The following ATP9B variants were observed in gnomAD, a reference collection of about 807,000 sequenced individuals.
ATP9B encodes ATPase phospholipid transporting 9B, also known as probable phospholipid-transporting ATPase IIB.
A neutral mutation model predicts 146.1 loss-of-function variants in ATP9B; 110 were observed. The observed-to-expected ratio is 0.75, with a 90% CI of 0.65 to 0.88. ATP9B has a LOEUF of 0.88. Among genes scored for constraint, ATP9B ranks in the 40% least tolerant of loss-of-function variants. The pLI is 0.00. For synonymous variants in ATP9B, 604 were observed against 569.7 expected, an observed-to-expected ratio of 1.06 and a Z score of -0.86; for missense variants, 1,499 against 1,496.4, an observed-to-expected ratio of 1.00 and a Z score of -0.03.
rs541429292 is a variant in ATP9B, at chr18:79,281,999, C to T, written c.1411+4803C>T. On this transcript the variant is annotated intron_variant, in intron 13 of 29. Transcript: ENST00000426216. ...ATACAGGTTTGGAAGAAGTTGATTC[C>T]GACCCTCAGGGATGACTGTTAGAAG... 5.2e-4 allele frequency among the ~76,000 whole-genome samples: 79 copies of T among 152,262 alleles called. 1 individual carries two copies. The highest frequency in any genetic ancestry group is 4.1e-3 in the Admixed American group (63 of 15,294).
At chr18:79,331,014 A>T (rs1383123835) in intron 17 of ATP9B, among the ~76,000 whole-genome samples, 1 of 152,262 alleles carries the variant, frequency 6.6e-6, no homozygotes, top group Non-Finnish European at 1.5e-5. Flanking sequence ...CCCATATTTC[A>T]TTAAATTCTC....
chr18:79,124,410 C>T (rs1210127569), intron 4 of ATP9B, among the ~76,000 whole-genome samples: 1 of 152,270 alleles, frequency 6.6e-6, no homozygotes, highest in Admixed American at 6.5e-5. Flanking sequence ...TGAGGTCTTA[C>T]TCTGCTCATC....
intron 4 of ATP9B, among the ~76,000 whole-genome samples, chr18:79,118,107 G>A (rs946870447): frequency 6.6e-6 from 1 of 151,814 alleles, no homozygotes; most frequent in African/African-American, 2.4e-5. Context: ...CCTTCCTTTG[G>A]GAAAGGAGAC....
chr18:79,365,029 C>A (rs1490411139), intron 26 of ATP9B, among the ~76,000 whole-genome samples: 14 of 145,090 alleles, frequency 9.6e-5, no homozygotes, highest in South Asian at 2.2e-4. Flanking sequence ...GACCTTGTCT[C>A]AAAAAAAAAA....
At chr18:79,081,866 A>T (rs2073299736) in intron 1 of ATP9B, among the ~76,000 whole-genome samples, 1 of 151,876 alleles carries the variant, frequency 6.6e-6, no homozygotes, top group Admixed American at 6.6e-5. Context: ...AACCTTAGTG[A>T]ATCTGACGAT....
rs1024506688 is a variant in ATP9B, at chr18:79,262,478, GA to G, written c.1268+8942del. Among the ~76,000 whole-genome samples the G allele has an allele frequency of 6.6e-5, 10 of 152,092 alleles. No individual in the cohort carries two copies. In the South Asian group the frequency reaches 1.2e-3, roughly 19 times the overall value. On this transcript the variant is annotated intron_variant, in intron 12 of 29. Transcript: ENST00000426216. ...TGGGGAACAGAGAAGTCATTTGATA[GA>G]AAAAGGGCATAGTTTAGAAGTAATT... is the stretch of plus-strand genomic sequence containing the variant.
At chr18:79,252,219 G>A (rs990483204) in intron 11 of ATP9B, among the ~76,000 whole-genome samples, 1 of 152,232 alleles carries the variant, frequency 6.6e-6, no homozygotes, top group African/African-American at 2.4e-5. Flanking sequence ...ACTGTGCCAT[G>A]CGCTCCCTCT....
intron 14 of ATP9B, among the ~76,000 whole-genome samples, chr18:79,306,428 C>T (rs958510297): frequency 1.3e-4 from 20 of 152,134 alleles, no homozygotes; most frequent in African/African-American, 1.9e-4. Flanking sequence ...AGATATGACA[C>T]GGGGCCATTT....
intron 25 of ATP9B, among the ~76,000 whole-genome samples, chr18:79,349,411 C>T (rs1269832827): frequency 6.6e-6 from 1 of 152,220 alleles, no homozygotes; most frequent in African/African-American, 2.4e-5. Flanking sequence ...CTCAGGAACT[C>T]ACCCGTGGGA....
chr18:79,303,702 G>A lies in ATP9B; in HGVS notation c.1510G>A (p.Asp504Asn), dbSNP rs36034863. 4.5e-3 allele frequency: 7,262 copies of A among 1,613,764 alleles called. 275 individuals carry two copies. The African/African-American group carries it at 0.084, about 19-fold the overall frequency. The change falls in exon 14 of 30, where the codon GAC (aspartate) becomes AAC (asparagine). Residue 504 changes from aspartate to asparagine, a missense_variant. Coordinates refer to ENST00000426216, the MANE Select transcript of ATP9B (RefSeq NM_198531.5). Reference protein sequence around the residue: ...TMDEIQSHVRDSYSQMQSQAG... With the variant: ...TMDEIQSHVRNSYSQMQSQAG... ...GGATGAGATCCAGAGCCATGTCAGG[G>A]ACTCCTACTCACAGGTAAGTGGGTT...
intron 11 of ATP9B, among the ~76,000 whole-genome samples, chr18:79,251,673 T>C (rs1414958203): frequency 6.6e-6 from 1 of 152,216 alleles, no homozygotes; most frequent in Non-Finnish European, 1.5e-5. Flanking sequence ...TTGTGGAAAA[T>C]ATTAATCAAA....
intron 12 of ATP9B, among the ~76,000 whole-genome samples, chr18:79,256,614 TATATA>T (rs2096083900): frequency 6.6e-6 from 1 of 152,016 alleles, no homozygotes; most frequent in Non-Finnish European, 1.5e-5. Context: ...ACATATTTAA[TATATA>T]ATATTTAGTA....
At position 79,359,357 on chromosome 18, in the gene ATP9B, T is replaced by C. The variant is rs375912994; in HGVS notation, c.2907T>C (p.Tyr969=). 4 of 1,612,194 alleles carry C rather than the reference T, an allele frequency of 2.5e-6. No homozygotes were observed. Among genetic ancestry groups the C allele is most frequent in the East Asian group, 2.2e-5 (1 of 44,852 alleles). The change falls in exon 26 of 30, where the codon TAT becomes TAC. Residue 969 remains tyrosine, a synonymous_variant. Transcript: ENST00000426216. ...CACTCCGCTCTTGGTCTTGCAGGTA[T>C]GCCACCATATACACCATGTTCCCAG... The part of the protein sequence containing the change: ...PLYQGFLMVG[Y]ATIYTMFPVF...
At chr18:79,289,794 T>A (rs2096483326) in intron 13 of ATP9B, among the ~76,000 whole-genome samples, 1 of 152,230 alleles carries the variant, frequency 6.6e-6, no homozygotes, top group African/African-American at 2.4e-5. Context: ...GTTTTTGGTG[T>A]GGATGTCCTT....
Position 79,107,301 on chromosome 18 carries a change from C to T in ATP9B, c.294-3054C>T, listed in dbSNP as rs532936919. ...GCCACTAGCCAGGGTGCCCACTGAG[C>T]TCTTGAGATGTGGCTGATGTGACTG... On this transcript the variant is annotated intron_variant, in intron 2 of 29. Transcript: ENST00000426216. Among the ~76,000 whole-genome samples the T allele has an allele frequency of 2.0e-5, 3 of 152,300 alleles. No individual in the cohort carries two copies. In the South Asian group the frequency reaches 6.2e-4, roughly 32 times the overall value.
Position 79,213,945 on chromosome 18 carries a change from C to T in ATP9B, c.1031-17C>T, listed in dbSNP as rs1568419385. The T allele has an allele frequency of 1.1e-5, 17 of 1,576,934 alleles. No individual in the cohort carries two copies. The highest frequency in any genetic ancestry group is 1.5e-5 in the Non-Finnish European group (17 of 1,163,992). Reference sequence around the variant, plus strand: ...CTTTAAAGTATTTCTACAAGGACCACTTTCATGTTTTTGCAGGTACTGTAA... The same window carrying T: ...CTTTAAAGTATTTCTACAAGGACCATTTTCATGTTTTTGCAGGTACTGTAA... On this transcript the variant is annotated splice_polypyrimidine_tract_variant and intron_variant, in intron 10 of 29. Coordinates refer to ENST00000426216, the MANE Select transcript of ATP9B (RefSeq NM_198531.5).
intron 12 of ATP9B, among the ~76,000 whole-genome samples, chr18:79,264,091 A>T (rs530180202): frequency 6.6e-6 from 1 of 152,344 alleles, no homozygotes; most frequent in East Asian, 1.9e-4. Context: ...TCTCAAAAAA[A>T]AGAAAAGGAA....
In ATP9B at chr18:79,256,267, A is replaced by C. The variant is rs1372945865; in HGVS notation, c.1268+2726A>C. Among the ~76,000 whole-genome samples the C allele has an allele frequency of 1.5e-5, 2 of 129,528 alleles. 1 individual carries two copies. The highest frequency in any genetic ancestry group is 1.5e-4 in the Admixed American group (2 of 13,070). The allele number at this position is 129,528 out of a possible 152,430, so 85.0% of individuals were successfully genotyped here. A position where few individuals can be genotyped will look rare whatever the true frequency, so the allele number is the denominator to read the frequency against. On this transcript the variant is annotated intron_variant, in intron 12 of 29. Transcript: ENST00000426216. ...GTGAATTCTAGCTAGCTATATATAT[A>C]TATATATATATATATATATACATAC...
chr18:79,132,240 G>T (rs1418794621), intron 5 of ATP9B, among the ~76,000 whole-genome samples: 1 of 152,168 alleles, frequency 6.6e-6, no homozygotes, highest in African/African-American at 2.4e-5. Context: ...AAATGTACAT[G>T]AAAATTTACC....
Sources: gnomAD v4.1 joint callset for allele counts (sites outside exome capture counted in the v4.1 genomes callset) on GRCh38, gnomAD v4.1.1 for gene constraint, MANE v1.5 for transcripts, NCBI Gene and HGNC (gene_info 2026-07-23, HGNC 2026-07-21) for gene names.